Variants in CHST9 observed in about 807,000 individuals in gnomAD.
The protein encoded by CHST9 is carbohydrate sulfotransferase 9.
Under a neutral mutation model 44.4 loss-of-function variants are expected in CHST9, and 41 were observed. The observed-to-expected ratio is 0.92, with a 90% CI of 0.72 to 1.20. The LOEUF (loss-of-function observed/expected upper bound fraction) is 1.20. Among genes scored for constraint, CHST9 ranks in the 50% most tolerant of loss-of-function variants. CHST9 has a pLI of 0.00. For synonymous variants in CHST9, 171 were observed against 178.4 expected (o/e 0.96, Z 0.33); for missense variants, 504 against 516.5 (o/e 0.98, Z 0.23).
At chr18:27,168,824 G>A (rs993906705) in intron 1 of CHST9, among the ~76,000 whole-genome samples, 3 of 152,150 alleles carry the variant, frequency 2.0e-5, no homozygotes, top group Non-Finnish European at 4.4e-5. Flanking sequence ...AATAATTAAT[G>A]TTCTTAATAA....
chr18:27,021,671 T>C (rs1157760051), intron 4 of CHST9, among the ~76,000 whole-genome samples: 1 of 152,204 alleles, frequency 6.6e-6, no homozygotes, highest in African/African-American at 2.4e-5. Context: ...GCAGAATTTT[T>C]TCCTCTTTCC....
intron 3 of CHST9, among the ~76,000 whole-genome samples, chr18:27,028,366 A>G (rs2057305173): frequency 6.6e-6 from 1 of 152,226 alleles, no homozygotes; most frequent in Non-Finnish European, 1.5e-5. Context: ...GGCACAGCAC[A>G]TCTGGGTACA....
chr18:27,076,846 G>A (rs945006153), intron 2 of CHST9, among the ~76,000 whole-genome samples: 11 of 152,162 alleles, frequency 7.2e-5, no homozygotes, highest in Non-Finnish European at 1.6e-4. Context: ...AAAAGGAGAC[G>A]AGGCTACATG....
chr18:27,007,019 C>T (rs1346154742), intron 4 of CHST9, among the ~76,000 whole-genome samples: 1 of 152,214 alleles, frequency 6.6e-6, no homozygotes, highest in Non-Finnish European at 1.5e-5. Flanking sequence ...GTGGGCATTC[C>T]GTGGAGCTTA....
intron 3 of CHST9, among the ~76,000 whole-genome samples, chr18:27,039,800 G>A (rs1345059191): frequency 1.3e-5 from 2 of 152,074 alleles, no homozygotes; most frequent in African/African-American, 4.8e-5. Context: ...TAAATTTAAT[G>A]TACTTCATAT....
chr18:27,122,170 G>C lies in CHST9; in HGVS notation c.121+20519C>G, dbSNP rs149049265. On this transcript the variant is annotated intron_variant, in intron 2 of 5. Transcript: ENST00000618847. Reference sequence around the variant, plus strand: ...ACGCACCAGTGTATTTAAAATGAATGAATTACAGACATTTCTCATAGAAAG... The same window carrying C: ...ACGCACCAGTGTATTTAAAATGAATCAATTACAGACATTTCTCATAGAAAG... Among the ~76,000 whole-genome samples the C allele has an allele frequency of 1.8e-3, 281 of 152,272 alleles. 2 individuals are homozygous for C. Among genetic ancestry groups the C allele is most frequent in the Admixed American group, 0.017 (257 of 15,294 alleles).
intron 2 of CHST9, among the ~76,000 whole-genome samples, chr18:27,096,702 G>A (rs1270717561): frequency 6.6e-6 from 1 of 151,858 alleles, no homozygotes; most frequent in African/African-American, 2.4e-5. Context: ...TAAATTCCTG[G>A]TCACATACAA....
At chr18:27,128,631 C>T (rs72884358) in intron 2 of CHST9, among the ~76,000 whole-genome samples, 135 of 152,234 alleles carry the variant, frequency 8.9e-4, no homozygotes, top group Non-Finnish European at 1.4e-3. Context: ...CCTAGCAAAA[C>T]GGAGAAGATT....
intron 1 of CHST9, among the ~76,000 whole-genome samples, chr18:27,144,310 G>T (rs1002504647): frequency 6.6e-6 from 1 of 152,200 alleles, no homozygotes; most frequent in Non-Finnish European, 1.5e-5. Flanking sequence ...TTTATGGGGT[G>T]CCAGTTAAAA....
intron 4 of CHST9, among the ~76,000 whole-genome samples, chr18:26,956,082 G>A (rs191422): frequency 6.6e-6 from 1 of 151,868 alleles, no homozygotes. Context: ...GGATCACAAG[G>A]CCAGGAGTTT....
chr18:27,139,201 G>T (rs922201501), intron 2 of CHST9, among the ~76,000 whole-genome samples: 1 of 151,998 alleles, frequency 6.6e-6, no homozygotes, highest in African/African-American at 2.4e-5. Context: ...GATTTGAAAA[G>T]CCTCAAATAA....
chr18:26,941,833 C>T (rs997440953), intron 5 of CHST9, among the ~76,000 whole-genome samples: 12 of 152,186 alleles, frequency 7.9e-5, no homozygotes, highest in Non-Finnish European at 1.3e-4. Context: ...TGTTTGTTCT[C>T]AGAGCTCAGG....
intron 1 of CHST9, among the ~76,000 whole-genome samples, chr18:27,170,611 T>A (rs183937591): frequency 6.3e-4 from 96 of 152,292 alleles, no homozygotes; most frequent in African/African-American, 2.3e-3. Context: ...ACTTTAAACA[T>A]TAAATAAAAT....
intron 1 of CHST9, among the ~76,000 whole-genome samples, chr18:27,156,070 T>G (rs1420671265): frequency 1.3e-5 from 2 of 151,412 alleles, no homozygotes; most frequent in African/African-American, 4.8e-5. Context: ...ACAATATGCA[T>G]GAAAACAAAC....
rs952942337 is a variant in CHST9, at chr18:27,173,602, T to C, written c.-97+11534A>G. Among the ~76,000 whole-genome samples the C allele has an allele frequency of 1.5e-4, 23 of 152,170 alleles. 1 individual carries two copies. The highest frequency in any genetic ancestry group is 1.3e-3 in the Admixed American group (20 of 15,282). On this transcript the variant is annotated intron_variant, in intron 1 of 5. Coordinates refer to ENST00000618847, the MANE Select transcript of CHST9 (RefSeq NM_031422.6). Reference sequence around the variant, plus strand: ...ATCATATTATGTATTGTCTCCTACATTGCCTGAAACATATTCTTCTAAGGA... The same window carrying C: ...ATCATATTATGTATTGTCTCCTACACTGCCTGAAACATATTCTTCTAAGGA...
chr18:27,057,849 C>T (rs1372885962), intron 2 of CHST9, among the ~76,000 whole-genome samples: 1 of 152,172 alleles, frequency 6.6e-6, no homozygotes, highest in Non-Finnish European at 1.5e-5. Context: ...ATAGTAAAAT[C>T]AGTATGAGAA....
chr18:27,145,468 G>A (rs1487204040), intron 1 of CHST9, among the ~76,000 whole-genome samples: 2 of 152,234 alleles, frequency 1.3e-5, no homozygotes, highest in Admixed American at 1.3e-4. Context: ...ACAGGCGTGA[G>A]CCACTGCCCC....
chr18:26,970,664 G>A (rs2056529932), intron 4 of CHST9, among the ~76,000 whole-genome samples: 3 of 152,322 alleles, frequency 2.0e-5, no homozygotes, highest in Admixed American at 2.0e-4. Context: ...CTGGGCCCAG[G>A]TGATCCTCCT....
At position 26,907,931 on chromosome 18, in the gene CHST9, A is replaced by G; in HGVS notation, c.*8328T>C. The G allele has an allele frequency of 6.1e-6, 1 of 163,384 alleles. No individual in the cohort carries two copies. The highest frequency in any genetic ancestry group is 1.3e-5 in the Non-Finnish European group (1 of 75,560). The allele number at this position is 163,384 out of a possible 1,614,324, so 10.1% of individuals were successfully genotyped here. ...AAAAAGACACATGCTGTATGATTCC[A>G]TTTATATGAGGTATTTTAAGTTATC... On this transcript the variant is annotated 3_prime_UTR_variant, in exon 6 of 6. Transcript: ENST00000618847.
Sources: allele counts gnomAD v4.1 joint callset (sites outside exome capture counted in the v4.1 genomes callset), GRCh38; gene constraint gnomAD v4.1.1; transcripts MANE v1.5; gene names NCBI Gene and HGNC (gene_info 2026-07-23, HGNC 2026-07-21).